The following CTSS variants were observed in gnomAD, a reference collection of about 807,000 sequenced individuals.
CTSS encodes cathepsin S.
CTSS carries 15 observed loss-of-function variants against 39.9 expected under a neutral mutation model. The ratio of observed to expected loss-of-function variants is 0.38; its 90% CI spans 0.25 to 0.58. The LOEUF (loss-of-function observed/expected upper bound fraction) is 0.58, where lower values mean the gene tolerates loss of function less well. Ranked by LOEUF, CTSS falls within the 20% of genes least tolerant of loss-of-function variation. The pLI is 0.70. For missense variants in CTSS, 250 were observed against 398.2 expected (o/e 0.63, Z 3.17); for synonymous variants, 126 against 138.2 (o/e 0.91, Z 0.62).
chr1:150,757,073 T>A (rs1249328297), intron 3 of CTSS, among the ~76,000 whole-genome samples: 1 of 152,048 alleles, frequency 6.6e-6, no homozygotes, highest in African/African-American at 2.4e-5. Flanking sequence ...AAAACTGCCA[T>A]GGAATAAAAA....
intron 6 of CTSS, among the ~76,000 whole-genome samples, chr1:150,749,212 G>A (rs2101918492): frequency 6.6e-6 from 1 of 152,344 alleles, no homozygotes; most frequent in Admixed American, 6.5e-5. Flanking sequence ...GGAAAGGCAT[G>A]TTGAAAGCCA....
At chr1:150,744,594 T>C (rs1309508006) in intron 7 of CTSS, among the ~76,000 whole-genome samples, 11 of 121,816 alleles carry the variant, frequency 9.0e-5, no homozygotes, top group African/African-American at 3.4e-4. Context: ...ATATTATATA[T>C]GTATATTATG....
At chr1:150,758,006 G>A (rs1450807937) in intron 2 of CTSS, 26 bp from the exon 3 acceptor site, 1 of 1,605,874 alleles carries the variant, frequency 6.2e-7, no homozygotes, top group Non-Finnish European at 8.5e-7. Context: ...GAAGAACATA[G>A]TCATACTGCA....
At chr1:150,739,693 CAAA>C (rs1417796263) in intron 7 of CTSS, among the ~76,000 whole-genome samples, 1 of 117,160 alleles carries the variant, frequency 8.5e-6, no homozygotes, top group Admixed American at 8.9e-5. Context: ...ACAACAACAA[CAAA>C]AAGAAAGAAA....
chr1:150,758,633 T>C (rs1653184273), intron 2 of CTSS, among the ~76,000 whole-genome samples: 1 of 151,958 alleles, frequency 6.6e-6, no homozygotes, highest in Non-Finnish European at 1.5e-5. Flanking sequence ...CTTGACCTCC[T>C]GGGACCCAGC....
At chr1:150,755,196 T>A in intron 3 of CTSS, 46 bp from the exon 4 acceptor site, 1 of 1,593,832 alleles carries the variant, frequency 6.3e-7, no homozygotes, top group Non-Finnish European at 8.6e-7. Flanking sequence ...GACTGGAATA[T>A]GTTCTGAGAA....
At chr1:150,745,938 A>G (rs967019237) in intron 7 of CTSS, among the ~76,000 whole-genome samples, 1 of 152,320 alleles carries the variant, frequency 6.6e-6, no homozygotes, top group East Asian at 1.9e-4. Flanking sequence ...CAAATGAAAT[A>G]ACACATCCAT....
chr1:150,749,637 TTCTTTC>T (rs2101918880), intron 6 of CTSS, among the ~76,000 whole-genome samples: 1 of 141,720 alleles, frequency 7.1e-6, no homozygotes, highest in South Asian at 2.4e-4. Context: ...TCTTTCTTCC[TTCTTTC>T]TCTTTCTTTC....
Position 150,765,101 on chromosome 1 carries a change from C to CA in CTSS, c.-1-338dup, listed in dbSNP as rs34212473. Among the ~76,000 whole-genome samples, 1,153 of 132,268 alleles carry CA rather than the reference C, an allele frequency of 8.7e-3. 21 individuals are homozygous for CA. Among genetic ancestry groups the CA allele is most frequent in the African/African-American group, 0.026 (946 of 36,304 alleles). 86.8% of individuals were successfully genotyped at this position (132,268 alleles called of 152,430 possible). A position where few individuals can be genotyped will look rare whatever the true frequency, so the allele number is the denominator to read the frequency against. On this transcript the variant is annotated intron_variant, in intron 1 of 7. Coordinates refer to ENST00000368985, the MANE Select transcript of CTSS (RefSeq NM_004079.5). ...AAAGGAAATCTCTTTCTCTCTCTCTCAAAAAAAAAAAAAAATCATCCTTAA... is the reference window on the plus strand; with the variant it reads ...AAAGGAAATCTCTTTCTCTCTCTCTCAAAAAAAAAAAAAAAATCATCCTTAA...
At chr1:150,739,594 G>A (rs1652703228) in intron 7 of CTSS, among the ~76,000 whole-genome samples, 1 of 152,106 alleles carries the variant, frequency 6.6e-6, no homozygotes, top group South Asian at 2.1e-4. Context: ...CTTGGAGGGA[G>A]GCGGAGGTTG....
At chr1:150,741,376 G>A (rs1652753293) in intron 7 of CTSS, among the ~76,000 whole-genome samples, 1 of 151,900 alleles carries the variant, frequency 6.6e-6, no homozygotes, top group Non-Finnish European at 1.5e-5. Flanking sequence ...TATTTTATTA[G>A]GTTATTAATA....
intron 4 of CTSS, among the ~76,000 whole-genome samples, chr1:150,752,431 T>A (rs966431904): frequency 2.0e-5 from 3 of 152,192 alleles, no homozygotes; most frequent in African/African-American, 7.2e-5. Context: ...ATAAGAAGTT[T>A]AATCCTAGGT....
Position 150,745,075 on chromosome 1 carries a change from C to T in CTSS, c.896+2702G>A, listed in dbSNP as rs74592968. ...ATCAGTGAACCAAGATATTGATCCC[C>T]TCAGCTACTTTCCCCATGGGCCATA... On this transcript the variant is annotated intron_variant, in intron 7 of 7. Coordinates refer to ENST00000368985, the MANE Select transcript of CTSS (RefSeq NM_004079.5). Among the ~76,000 whole-genome samples, 1,220 of 152,242 alleles carry T rather than the reference C, an allele frequency of 8.0e-3. 9 individuals carry two copies. Among genetic ancestry groups the T allele is most frequent in the Non-Finnish European group, 0.011 (732 of 68,022 alleles).
chr1:150,759,106 A>C (rs1449421961), intron 2 of CTSS, among the ~76,000 whole-genome samples: 1 of 151,290 alleles, frequency 6.6e-6, no homozygotes, highest in Non-Finnish European at 1.5e-5. Flanking sequence ...CTGGCCTTAA[A>C]GGATCCTTCC....
intron 7 of CTSS, among the ~76,000 whole-genome samples, chr1:150,744,513 TTATATGTATATTATGTATA>T (rs1557810190): frequency 4.1e-4 from 30 of 74,004 alleles, no homozygotes; most frequent in African/African-American, 1.7e-3. Context: ...ATATTATATA[TTATATGTATATTATGTATA>T]CATAATATAT....
chr1:150,753,927 G>A (rs1042458216), intron 4 of CTSS, among the ~76,000 whole-genome samples: 6 of 149,402 alleles, frequency 4.0e-5, no homozygotes, highest in Non-Finnish European at 8.9e-5. Flanking sequence ...GGCAACAGAG[G>A]GAGACCCTGT....
chr1:150,733,925 G>A (rs1053765890), intron 7 of CTSS, among the ~76,000 whole-genome samples: 8 of 152,146 alleles, frequency 5.3e-5, no homozygotes, highest in African/African-American at 1.9e-4. Context: ...TAGGGTTCGA[G>A]TAGATCAGTG....
At position 150,751,934 on chromosome 1, in the gene CTSS, C is replaced by G. The variant is rs761638458; in HGVS notation, c.474G>C (p.Lys158Asn). 1.2e-6 allele frequency: 2 copies of G among 1,614,204 alleles called. No individual in the cohort carries two copies. Among genetic ancestry groups the G allele is most frequent in the South Asian group, 2.2e-5 (2 of 91,088 alleles). ...GGTTCTGGGCACTGAGAGACACCAGCTTTCCTGTTTTCAGCTTCAGCTGTG... is the reference window on the plus strand; with the variant it reads ...GGTTCTGGGCACTGAGAGACACCAGGTTTCCTGTTTTCAGCTTCAGCTGTG... Reference protein sequence around the residue: ...LEAQLKLKTGKLVSLSAQNLV... With the variant: ...LEAQLKLKTGNLVSLSAQNLV... Residue 158 changes from lysine to asparagine, a missense_variant, in exon 5 of 8, where the codon AAG becomes AAC. Coordinates refer to ENST00000368985, the MANE Select transcript of CTSS (RefSeq NM_004079.5).
rs1652530726 is a variant in CTSS at position 150,731,882 on chromosome 1, A to C, written c.*1164T>G. 2 of 152,284 alleles carry C rather than the reference A, an allele frequency of 1.3e-5. No individual in the cohort carries two copies. The highest frequency in any genetic ancestry group is 4.1e-4 in the South Asian group (2 of 4,822). The allele number at this position is 152,284 out of a possible 1,614,324, so 9.4% of individuals were successfully genotyped here. ...GTGCTTGTCTTTTATGCATTTCTTT[A>C]CTTTAACATAATATAAAAATATGTG... On this transcript the variant is annotated 3_prime_UTR_variant, in exon 8 of 8. Transcript: ENST00000368985.
Sources: allele counts gnomAD v4.1 joint callset (sites outside exome capture counted in the v4.1 genomes callset), GRCh38; gene constraint gnomAD v4.1.1; transcripts MANE v1.5; gene names NCBI Gene and HGNC (gene_info 2026-07-23, HGNC 2026-07-21).